Variants in SARDH observed in about 807,000 individuals in gnomAD.
The protein encoded by SARDH is sarcosine dehydrogenase.
SARDH carries 95 observed loss-of-function variants against 109.1 expected under a neutral mutation model. The ratio of observed to expected loss-of-function variants is 0.87; its 90% confidence interval spans 0.74 to 1.03. The LOEUF is 1.03. Among genes scored for constraint, SARDH ranks in the 50% least tolerant of loss-of-function variants. The pLI is 0.00. For missense variants in SARDH, 1,267 were observed against 1,287.8 expected, an observed-to-expected ratio of 0.98 and a Z score of 0.25; for synonymous variants, 572 against 534.8, an observed-to-expected ratio of 1.07 and a Z score of -0.96.
In SARDH at chr9:133,670,583, C is replaced by A. The variant is rs1382146700; in HGVS notation, c.2495+1G>T. The A allele has an allele frequency of 8.3e-6, 13 of 1,570,742 alleles. No homozygotes were observed. The Admixed American group carries it at 1.5e-4, about 18-fold the overall frequency. ...TGGGCGTGGAACAGCGGGATACTCA[C>A]TCCTCCATGGTGAAGCACACCAGGC... On this transcript the variant is annotated splice_donor_variant, in intron 19 of 20. Transcript: ENST00000439388. LOFTEE classifies it high-confidence loss of function.
intron 6 of SARDH, among the ~76,000 whole-genome samples, chr9:133,729,276 GGGCAGGA>G (rs1297620613): frequency 7.2e-5 from 11 of 152,136 alleles, no homozygotes; most frequent in Non-Finnish European, 5.9e-5. Flanking sequence ...AGAGAAGAGA[GGGCAGGA>G]GGCACCCAGC....
At chr9:133,735,965 G>A (rs1418629187) in intron 1 of SARDH, among the ~76,000 whole-genome samples, 3 of 152,014 alleles carry the variant, frequency 2.0e-5, no homozygotes, top group Non-Finnish European at 2.9e-5. Flanking sequence ...GCTTAAACCC[G>A]GGAGGTGGAG....
At chr9:133,688,405 C>T (rs1252648865) in intron 16 of SARDH, among the ~76,000 whole-genome samples, 1 of 151,742 alleles carries the variant, frequency 6.6e-6, no homozygotes, top group Non-Finnish European at 1.5e-5. Flanking sequence ...TCCATGGGAA[C>T]CACCACAACG....
intron 16 of SARDH, among the ~76,000 whole-genome samples, chr9:133,687,299 G>A (rs1830919690): frequency 1.3e-5 from 2 of 152,140 alleles, no homozygotes; most frequent in Admixed American, 1.3e-4. Context: ...TTGAGACAAG[G>A]TCACCCTGTC....
At chr9:133,737,312 A>ATCATGCC (rs1832918136) in intron 1 of SARDH, among the ~76,000 whole-genome samples, 3 of 152,122 alleles carry the variant, frequency 2.0e-5, no homozygotes, top group Non-Finnish European at 4.4e-5. Context: ...GGCGTAGGGG[A>ATCATGCC]GTGAGGAGGT....
chr9:133,730,045 G>C lies in SARDH; in HGVS notation c.814+19C>G. 6.2e-7 allele frequency: 1 copy of C among 1,613,924 alleles called. No individual in the cohort carries two copies. Among genetic ancestry groups the C allele is most frequent in the Non-Finnish European group, 8.5e-7 (1 of 1,179,856 alleles). On this transcript the variant is annotated intron_variant, in intron 5 of 20. Coordinates refer to ENST00000439388, the MANE Select transcript of SARDH (RefSeq NM_001134707.2). ...AGCCAGCATGGCCACACAGGAGTCA[G>C]GAGAAATGCCACTCGCACCTGCACA...
At chr9:133,691,421 C>T (rs1831093511) in intron 15 of SARDH, among the ~76,000 whole-genome samples, 1 of 152,198 alleles carries the variant, frequency 6.6e-6, no homozygotes, top group Non-Finnish European at 1.5e-5. Flanking sequence ...GTCAGTCAGC[C>T]CAGGTCCAGG....
intron 13 of SARDH, among the ~76,000 whole-genome samples, chr9:133,702,702 C>G (rs370178717): frequency 1.1e-3 from 171 of 149,988 alleles, no homozygotes; most frequent in African/African-American, 3.9e-3. Flanking sequence ...TCAGGCCTGG[C>G]TGCTGGCAAA....
At chr9:133,721,609 G>A (rs1306252607) in intron 6 of SARDH, among the ~76,000 whole-genome samples, 1 of 152,212 alleles carries the variant, frequency 6.6e-6, no homozygotes, top group Non-Finnish European at 1.5e-5. Context: ...GAAGGCAGCA[G>A]GAAGTCCTCC....
intron 19 of SARDH, 30 bp downstream of exon 19, chr9:133,670,554 C>G: frequency 6.4e-7 from 1 of 1,554,296 alleles, no homozygotes; most frequent in Non-Finnish European, 8.7e-7. Context: ...CAGTTGCTTC[C>G]GGGTGGGCGT....
At position 133,694,391 on chromosome 9, in the gene SARDH, G is replaced by C; in HGVS notation, c.1808-20C>G. The C allele has an allele frequency of 1.3e-6, 2 of 1,541,286 alleles. No individual in the cohort carries two copies. Among genetic ancestry groups the C allele is most frequent in the African/African-American group, 1.4e-5 (1 of 72,974 alleles). ...TGGAGCCTGCGAGAGGGAGAAGGAA[G>C]CCGGGTCTGTGCTGAGGCCCCAGCC... On this transcript the variant is annotated intron_variant, in intron 14 of 20. Coordinates refer to ENST00000439388, the MANE Select transcript of SARDH (RefSeq NM_001134707.2).
rs933460661 is a variant in SARDH, at chr9:133,728,963, G to A, written c.915+802C>T. Among the ~76,000 whole-genome samples the A allele has an allele frequency of 1.3e-5, 2 of 151,772 alleles. No individual in the cohort carries two copies. Among genetic ancestry groups the A allele is most frequent in the East Asian group, 3.9e-4 (2 of 5,180 alleles). On this transcript the variant is annotated intron_variant, in intron 6 of 20. Transcript: ENST00000439388. This position sits in a 1 kb window ranked among gnomAD's most constrained non-coding sequence, Gnocchi z 5.0. ...GGATAAATAGATGAATAGATAGATG[G>A]AGAGATGGAGGACGGAAGAATGGAT...
At chr9:133,674,284 G>A (rs1034890826) in intron 17 of SARDH, among the ~76,000 whole-genome samples, 32 of 152,246 alleles carry the variant, frequency 2.1e-4, no homozygotes, top group African/African-American at 7.0e-4. Context: ...CATGGGGGTC[G>A]GCCCACTTGG....
intron 6 of SARDH, among the ~76,000 whole-genome samples, chr9:133,722,798 C>T (rs188177179): frequency 9.9e-5 from 15 of 152,122 alleles, no homozygotes; most frequent in Admixed American, 8.5e-4. Flanking sequence ...CCTCAGCCTA[C>T]CGAGTAGCTG....
At chr9:133,734,644 G>A (rs1302493450) in intron 1 of SARDH, among the ~76,000 whole-genome samples, 1 of 152,176 alleles carries the variant, frequency 6.6e-6, no homozygotes, top group East Asian at 1.9e-4. Flanking sequence ...AGAAGAGTGG[G>A]TGGCGTGGCT....
In SARDH at chr9:133,717,290, A is replaced by G. The variant is rs769165042; in HGVS notation, c.1150+36T>C. 1.9e-6 allele frequency: 3 copies of G among 1,611,712 alleles called. No homozygotes were observed. In the South Asian group the frequency reaches 3.3e-5, roughly 18 times the overall value. On this transcript the variant is annotated intron_variant, in intron 8 of 20. Transcript: ENST00000439388. ...TAACAGTCATCAGACCAAAGGACCC[A>G]TGGACGCCCACCCCAGCTCCGAGGC...
At position 133,676,096 on chromosome 9, in the gene SARDH, A is replaced by AAC. The variant is rs796438148; in HGVS notation, c.2164-4400_2164-4399insGT. 2.8e-3 allele frequency among the ~76,000 whole-genome samples: 322 copies of AAC among 114,852 alleles called. 7 individuals are homozygous for AAC. The highest frequency in any genetic ancestry group is 0.014 in the African/African-American group (309 of 22,264). The allele number at this position is 114,852 out of a possible 152,430, so 75.3% of individuals were successfully genotyped here. ...ACAGACTAAGACCCTGTCTGAAATT[A>AAC]AAAAAAAAAACACACACCAAAAACA... On this transcript the variant is annotated intron_variant, in intron 17 of 20. Coordinates refer to ENST00000439388, the MANE Select transcript of SARDH (RefSeq NM_001134707.2).
In SARDH at chr9:133,670,630, G is replaced by A. The variant is rs760936213; in HGVS notation, c.2449C>T (p.Arg817Trp). Residue 817 changes from arginine to tryptophan, a missense_variant, in exon 19 of 21, where the codon CGG becomes TGG. By Grantham distance (101) the Arg-to-Trp change is moderately radical (BLOSUM62 -3). Coordinates refer to ENST00000439388, the MANE Select transcript of SARDH (RefSeq NM_001134707.2). ...FLGREALEQQ[R>W]AAGLRRRLVC... ...AGGCGCCGGCGGAGGCCTGCGGCCCGCTGCTGCTCCAGGGCCTCCCTCCCC... is the reference window on the plus strand; with the variant it reads ...AGGCGCCGGCGGAGGCCTGCGGCCCACTGCTGCTCCAGGGCCTCCCTCCCC... 7.4e-5 allele frequency: 117 copies of A among 1,582,082 alleles called. 1 individual carries two copies. In the South Asian group the frequency reaches 7.7e-4, roughly 10 times the overall value.
At chr9:133,719,851 C>T (rs1035647342) in intron 6 of SARDH, among the ~76,000 whole-genome samples, 3 of 152,144 alleles carry the variant, frequency 2.0e-5, no homozygotes, top group Non-Finnish European at 4.4e-5. Context: ...GTGGCTCACA[C>T]CTGTAATCCC....
Sources: gnomAD v4.1 joint callset for allele counts (sites outside exome capture counted in the v4.1 genomes callset) on GRCh38, gnomAD v4.1.1 for gene constraint, Gnocchi (gnomAD v3.1) non-coding constraint, MANE v1.5 for transcripts, NCBI Gene and HGNC (gene_info 2026-07-23, HGNC 2026-07-21) for gene names.